The following PLS1 variants were observed in gnomAD, a reference collection of about 807,000 sequenced individuals.
PLS1 encodes the protein plastin 1, also known as plastin-1.
In PLS1, 32 loss-of-function variants were observed where a neutral mutation model predicts 73.7. The observed-to-expected ratio is 0.43, with a 90% CI of 0.33 to 0.58. The LOEUF (loss-of-function observed/expected upper bound fraction) is 0.58. PLS1 is among the 20% of genes least tolerant of loss of function. The probability of loss-of-function intolerance (pLI) is 0.04; values close to 1 mark genes in which losing one functional copy is unlikely to be tolerated. For missense variants in PLS1, 633 were observed against 740.5 expected, an observed-to-expected ratio of 0.85 and a Z score of 1.68; for synonymous variants, 217 against 261.3, an observed-to-expected ratio of 0.83 and a Z score of 1.63.
chr3:142,618,325 G>A (rs936571017), intron 1 of PLS1, among the ~76,000 whole-genome samples: 2 of 152,158 alleles, frequency 1.3e-5, no homozygotes, highest in African/African-American at 2.4e-5. Context: ...CAAGGCCAAG[G>A]TGATAAGAAC....
intron 1 of PLS1, among the ~76,000 whole-genome samples, chr3:142,624,719 A>G (rs1196065359): frequency 6.6e-6 from 1 of 152,252 alleles, no homozygotes; most frequent in Non-Finnish European, 1.5e-5. Context: ...ACTTGTACGC[A>G]CCATAGAATA....
chr3:142,613,396 G>C, intron 1 of PLS1, among the ~76,000 whole-genome samples: 1 of 152,002 alleles, frequency 6.6e-6, no homozygotes, highest in East Asian at 1.9e-4. Context: ...AGGAAAACTT[G>C]AACCTGGGAG....
chr3:142,683,454 A>C (rs988273251), intron 6 of PLS1, among the ~76,000 whole-genome samples: 1 of 152,248 alleles, frequency 6.6e-6, no homozygotes, highest in Non-Finnish European at 1.5e-5. Flanking sequence ...CAGTGAGCCA[A>C]GATAGTGCCA....
intron 10 of PLS1, 23 bp from the exon 11 acceptor site, chr3:142,694,446 G>C (rs369340729): frequency 2.7e-6 from 4 of 1,493,500 alleles, no homozygotes; most frequent in Non-Finnish European, 3.7e-6. Context: ...TGAGTCATCA[G>C]TGTGAGCTTG....
At chr3:142,599,647 T>C (rs1039740850) in intron 1 of PLS1, among the ~76,000 whole-genome samples, 12 of 152,108 alleles carry the variant, frequency 7.9e-5, no homozygotes, top group Admixed American at 7.9e-4. Context: ...TTAACTAAGC[T>C]AGTTAGTGGG....
intron 13 of PLS1, 116 bp from the exon 14 acceptor site, chr3:142,704,347 A>G: frequency 1.2e-6 from 1 of 844,048 alleles, no homozygotes; most frequent in South Asian, 1.9e-5. Flanking sequence ...GACTAAAATT[A>G]GAAATATTTA....
At chr3:142,706,501 C>T (rs927614021) in intron 14 of PLS1, among the ~76,000 whole-genome samples, 8 of 151,856 alleles carry the variant, frequency 5.3e-5, no homozygotes, top group East Asian at 1.9e-4. Flanking sequence ...AGGGATGTTG[C>T]GCAAGACATA....
chr3:142,638,033 G>A (rs553692707), intron 1 of PLS1, among the ~76,000 whole-genome samples: 1 of 152,150 alleles, frequency 6.6e-6, no homozygotes, highest in East Asian at 1.9e-4. Context: ...TGAGTGTAGG[G>A]GCCCAGGGGA....
chr3:142,616,793 G>A (rs2036223998), intron 1 of PLS1, among the ~76,000 whole-genome samples: 1 of 152,062 alleles, frequency 6.6e-6, no homozygotes, highest in South Asian at 2.1e-4. Context: ...GTAGAGATGG[G>A]GTTTCACCAT....
At chr3:142,630,425 A>G (rs2036532154) in intron 1 of PLS1, among the ~76,000 whole-genome samples, 1 of 100,864 alleles carries the variant, frequency 9.9e-6, no homozygotes, top group Non-Finnish European at 2.3e-5. Flanking sequence ...TGCCTCAAAA[A>G]AAAAAAAAAA....
At position 142,684,102 on chromosome 3, in the gene PLS1, G is replaced by A. The variant is rs1453751717; in HGVS notation, c.676G>A (p.Val226Ile). The change falls in exon 7 of 16, where the codon GTC becomes ATC. Residue 226 changes from valine to isoleucine, a missense_variant. Transcript: ENST00000457734. ...TCTCAAAGAAGGAAAACCTCACTTG[G>A]TCTTGGGACTTCTCTGGCAGATCAT... ...SDLKEGKPHL[V>I]LGLLWQIIKV... 6.2e-7 allele frequency: 1 copy of A among 1,614,018 alleles called. No individual in the cohort carries two copies. Among genetic ancestry groups the A allele is most frequent in the South Asian group, 1.1e-5 (1 of 91,068 alleles).
intron 1 of PLS1, among the ~76,000 whole-genome samples, chr3:142,647,655 A>G (rs1160248402): frequency 6.6e-6 from 1 of 151,858 alleles, no homozygotes; most frequent in Admixed American, 6.6e-5. Context: ...GGTGCACACC[A>G]CCATACCCGG....
At chr3:142,610,879 G>T (rs946167760) in intron 1 of PLS1, among the ~76,000 whole-genome samples, 2 of 152,168 alleles carry the variant, frequency 1.3e-5, no homozygotes, top group Non-Finnish European at 2.9e-5. Context: ...TTTGGGCCCA[G>T]GCACTGAGCT....
At chr3:142,675,549 A>C (rs956753456) in intron 4 of PLS1, among the ~76,000 whole-genome samples, 16 of 151,812 alleles carry the variant, frequency 1.1e-4, no homozygotes, top group Non-Finnish European at 1.5e-4. Flanking sequence ...TGCCCAGCTA[A>C]TTTATTTTTG....
intron 6 of PLS1, among the ~76,000 whole-genome samples, chr3:142,680,831 G>T (rs2037837513): frequency 6.6e-6 from 1 of 152,174 alleles, no homozygotes; most frequent in Non-Finnish European, 1.5e-5. Context: ...GCACTGACAG[G>T]TTATACAGAG....
intron 1 of PLS1, among the ~76,000 whole-genome samples, chr3:142,643,863 C>A (rs995861787): frequency 2.4e-5 from 3 of 124,496 alleles, no homozygotes; most frequent in African/African-American, 6.4e-5. Flanking sequence ...GAGTTTCGCT[C>A]TTGTCACCCA....
chr3:142,677,010 G>T (rs966710851), intron 5 of PLS1, among the ~76,000 whole-genome samples: 3 of 151,858 alleles, frequency 2.0e-5, no homozygotes, highest in African/African-American at 7.3e-5. Context: ...TAGATTTTAT[G>T]ACATTAAATA....
chr3:142,635,021 A>G (rs898326561), intron 1 of PLS1, among the ~76,000 whole-genome samples: 2 of 151,534 alleles, frequency 1.3e-5, no homozygotes, highest in Non-Finnish European at 2.9e-5. Flanking sequence ...TCCTGGGCTC[A>G]TGTGATCCTC....
intron 1 of PLS1, among the ~76,000 whole-genome samples, chr3:142,641,202 T>TATCTATATTATATATAGATATATATA: frequency 6.9e-6 from 1 of 145,746 alleles, no homozygotes; most frequent in Non-Finnish European, 1.5e-5. Context: ...CTGTCTATAT[T>TATCTATATTATATATAGATATATATA]ATATCTATAT....
Sources: gnomAD v4.1 joint callset for allele counts (sites outside exome capture counted in the v4.1 genomes callset) on GRCh38, gnomAD v4.1.1 for gene constraint, MANE v1.5 for transcripts, NCBI Gene and HGNC (gene_info 2026-07-23, HGNC 2026-07-21) for gene names.